DNAH5: variants seen among roughly 807,000 people sequenced by gnomAD.
DNAH5 encodes the protein dynein axonemal heavy chain 5, also known as axonemal beta dynein heavy chain 5.
DNAH5 carries 372 observed loss-of-function variants against 518.2 expected under a neutral mutation model. That is an observed-to-expected ratio of 0.72 (90% CI 0.66 to 0.78). DNAH5 has a LOEUF of 0.78. Among genes scored for constraint, DNAH5 ranks in the 30% least tolerant of loss-of-function variants. The pLI is 0.00. For missense variants in DNAH5, 5,523 were observed against 5,687.0 expected (o/e 0.97, Z 0.93); for synonymous variants, 2,039 against 2,025.9 (o/e 1.01, Z -0.17).
At chr5:13,923,863 A>C (rs1777569618) in intron 3 of DNAH5, among the ~76,000 whole-genome samples, 1 of 151,796 alleles carries the variant, frequency 6.6e-6, no homozygotes, top group African/African-American at 2.4e-5. Context: ...GGTCAACGTG[A>C]TGAAACCCTG....
intron 1 of DNAH5, among the ~76,000 whole-genome samples, chr5:13,995,249 C>T (rs1396660555): frequency 6.6e-6 from 1 of 152,184 alleles, no homozygotes; most frequent in African/African-American, 2.4e-5. Flanking sequence ...TACAGTGCAC[C>T]ACATATACAG....
rs556213733 is a variant in DNAH5 at position 13,713,332 on chromosome 5, CAT to C, written c.13125+1071_13125+1072del. Among the ~76,000 whole-genome samples the C allele has an allele frequency of 8.2e-4, 116 of 142,020 alleles. 1 individual carries two copies. The South Asian group carries it at 0.011, about 13-fold the overall frequency. The allele number at this position is 142,020 out of a possible 152,430, so 93.2% of individuals were successfully genotyped here. On this transcript the variant is annotated intron_variant, in intron 75 of 78. Transcript: ENST00000265104. ...ATATATACCGACATATATATACCGA[CAT>C]ATATATATACCGACATATATATACT...
chr5:13,814,003 A>G (rs1323299480), intron 43 of DNAH5, among the ~76,000 whole-genome samples: 3 of 152,196 alleles, frequency 2.0e-5, no homozygotes, highest in Non-Finnish European at 2.9e-5. Flanking sequence ...TAATATTTAT[A>G]TAGCAAAATA....
At chr5:13,927,315 A>C (rs534557431) in intron 3 of DNAH5, among the ~76,000 whole-genome samples, 2 of 152,202 alleles carry the variant, frequency 1.3e-5, no homozygotes, top group African/African-American at 4.8e-5. Flanking sequence ...AACATGCTGA[A>C]ACCCCGTCTC....
intron 12 of DNAH5, among the ~76,000 whole-genome samples, chr5:13,903,406 T>C (rs1284609458): frequency 4.6e-5 from 7 of 151,946 alleles, no homozygotes; most frequent in Non-Finnish European, 1.0e-4. Context: ...ACCTAAGATA[T>C]TTAAAATGAG....
At chr5:13,957,696 GAT>G (rs1362907077) in intron 1 of DNAH5, among the ~76,000 whole-genome samples, 1 of 151,790 alleles carries the variant, frequency 6.6e-6, no homozygotes, top group African/African-American at 2.4e-5. Flanking sequence ...TCCCAATATT[GAT>G]AGTTACATAG....
Position 13,907,477 on chromosome 5 carries a change from G to A in DNAH5, c.1644+3909C>T, listed in dbSNP as rs148877016. ...CCTGGGGGAGAGAAGGGGGAATATG[G>A]TAATGATATTAATCAAAGAATAAAA... On this transcript the variant is annotated intron_variant, in intron 12 of 78. Transcript: ENST00000265104. Among the ~76,000 whole-genome samples the A allele has an allele frequency of 8.5e-3, 1,295 of 152,180 alleles. 17 individuals carry two copies. The highest frequency in any genetic ancestry group is 0.03 in the African/African-American group (1,248 of 41,502).
In DNAH5 at chr5:13,792,186, C is replaced by G. The variant is rs1342829642; in HGVS notation, c.8256G>C (p.Gln2752His). Reference protein sequence around the residue: ...GVIGVGHYCTQRGFSEEVRDS... With the variant: ...GVIGVGHYCTHRGFSEEVRDS... ...CTCTCACTTCTTCTGAGAAACCCCT[C>G]TGAGTACAGTAGTGGCCTACCCCAA... The change falls in exon 50 of 79, where the codon CAG (glutamine) becomes CAC (histidine). Residue 2752 changes from glutamine (Q) to histidine (H), a missense_variant. By Grantham distance (24) the Gln-to-His change is conservative. Coordinates refer to ENST00000265104, the MANE Select transcript of DNAH5 (RefSeq NM_001369.3). 6.2e-7 allele frequency: 1 copy of G among 1,613,876 alleles called. No homozygotes were observed. The highest frequency in any genetic ancestry group is 1.3e-5 in the African/African-American group (1 of 74,912).
chr5:13,771,575 T>C (rs72732625), intron 55 of DNAH5, among the ~76,000 whole-genome samples: 16,596 of 152,158 alleles, frequency 0.11, 1,047 homozygotes, highest in East Asian at 0.33. Flanking sequence ...CTTCCCCACA[T>C]TGCCAAATGG....
chr5:13,777,773 G>A (rs1038980155), intron 53 of DNAH5, among the ~76,000 whole-genome samples: 3 of 152,196 alleles, frequency 2.0e-5, no homozygotes, highest in African/African-American at 7.2e-5. Flanking sequence ...TATACAGGGT[G>A]AGTGAGATGC....
intron 3 of DNAH5, among the ~76,000 whole-genome samples, chr5:13,924,147 G>A (rs891625604): frequency 6.6e-6 from 1 of 152,154 alleles, no homozygotes; most frequent in South Asian, 2.1e-4. Context: ...ACAAAACTCG[G>A]AACCCCCACT....
chr5:13,885,893 T>C, intron 18 of DNAH5, 71 bp downstream of exon 18: 1 of 1,374,518 alleles, frequency 7.3e-7, no homozygotes, highest in East Asian at 2.3e-5. Context: ...AATTGGTATG[T>C]AGAAAATGCA....
chr5:13,842,225 C>CA (rs1277218893), intron 32 of DNAH5, among the ~76,000 whole-genome samples: 2 of 151,388 alleles, frequency 1.3e-5, no homozygotes, highest in African/African-American at 4.9e-5. Flanking sequence ...ACTAAAAATA[C>CA]AAAAATTAGC....
chr5:13,830,886 CCCTA>C, intron 35 of DNAH5, 111 bp from the exon 36 acceptor site: 1 of 986,102 alleles, frequency 1.0e-6, no homozygotes, highest in Non-Finnish European at 1.6e-6. Context: ...AGGCCATTGT[CCCTA>C]CCTAACATTT....
At chr5:13,858,226 T>C (rs1406608625) in intron 30 of DNAH5, among the ~76,000 whole-genome samples, 2 of 152,200 alleles carry the variant, frequency 1.3e-5, no homozygotes, top group Non-Finnish European at 2.9e-5. Context: ...CACCATGGAA[T>C]ACTATGCAGC....
intron 74 of DNAH5, among the ~76,000 whole-genome samples, chr5:13,715,902 G>A (rs1285522506): frequency 1.3e-5 from 2 of 152,186 alleles, no homozygotes; most frequent in Non-Finnish European, 2.9e-5. Flanking sequence ...AGAGGCCTGG[G>A]ATGCTGCTCA....
chr5:13,977,935 C>T (rs1333263471), intron 1 of DNAH5, among the ~76,000 whole-genome samples: 7 of 152,162 alleles, frequency 4.6e-5, no homozygotes, highest in South Asian at 2.1e-4. Flanking sequence ...GCGACTCTCT[C>T]GGAAAACATT....
intron 55 of DNAH5, 134 bp downstream of exon 55, chr5:13,776,304 TA>T: frequency 8.3e-7 from 1 of 1,209,640 alleles, no homozygotes; most frequent in Non-Finnish European, 1.2e-6. Context: ...TCCATGAGAT[TA>T]AACCTCTGTG....
intron 21 of DNAH5, among the ~76,000 whole-genome samples, chr5:13,877,843 C>A (rs752569891): frequency 2.0e-5 from 3 of 152,166 alleles, no homozygotes; most frequent in Non-Finnish European, 4.4e-5. Context: ...AAGAGTCTCT[C>A]TGGACCACAA....
Sources: allele counts gnomAD v4.1 joint callset (sites outside exome capture counted in the v4.1 genomes callset), GRCh38; gene constraint gnomAD v4.1.1; transcripts MANE v1.5; gene names NCBI Gene and HGNC (gene_info 2026-07-23, HGNC 2026-07-21).